DOK6: variants seen among roughly 807,000 people sequenced by gnomAD.
DOK6 encodes the protein docking protein 6, also known as downstream of tyrosine kinase 6.
DOK6 carries 22 observed loss-of-function variants against 44.0 expected under a neutral mutation model. That is an observed-to-expected ratio of 0.50 (90% CI 0.36 to 0.71). The LOEUF (loss-of-function observed/expected upper bound fraction) is 0.71, where lower values mean the gene tolerates loss of function less well. DOK6 is among the 30% of genes least tolerant of loss of function. DOK6 has a pLI of 0.00. For missense variants in DOK6, 340 were observed against 416.4 expected, an observed-to-expected ratio of 0.82 and a Z score of 1.60; for synonymous variants, 166 against 145.5, an observed-to-expected ratio of 1.14 and a Z score of -1.01.
chr18:69,548,232 C>A lies in DOK6; in HGVS notation c.67-16255C>A, dbSNP rs139157628. On this transcript the variant is annotated intron_variant, in intron 1 of 7. Transcript: ENST00000382713. ...CCTCCCAAAGTGCTGGGATTACAGG[C>A]GTGAGCCACCGCGCCTGCCCTCATA... Among the ~76,000 whole-genome samples, 1,033 of 151,382 alleles carry A rather than the reference C, an allele frequency of 6.8e-3. 22 individuals are homozygous for A. Among genetic ancestry groups the A allele is most frequent in the African/African-American group, 0.024 (1,001 of 41,430 alleles).
Position 69,695,460 on chromosome 18 carries a change from A to G in DOK6, c.410-2944A>G, listed in dbSNP as rs918040341. ...ATAGAATTGTTTCACAAAGATAAACATTTTTTAAAAATCATTTTAATGGAG... is the reference window on the plus strand; with the variant it reads ...ATAGAATTGTTTCACAAAGATAAACGTTTTTTAAAAATCATTTTAATGGAG... On this transcript the variant is annotated intron_variant, in intron 4 of 7. Transcript: ENST00000382713. 2.6e-5 allele frequency among the ~76,000 whole-genome samples: 4 copies of G among 152,356 alleles called. No individual in the cohort carries two copies. In the East Asian group the frequency reaches 7.7e-4, roughly 29 times the overall value.
intron 3 of DOK6, among the ~76,000 whole-genome samples, chr18:69,650,422 T>C (rs534033879): frequency 6.6e-6 from 1 of 152,288 alleles, no homozygotes; most frequent in East Asian, 1.9e-4. Context: ...ACATCTTCCC[T>C]ATCACATATG....
intron 1 of DOK6, among the ~76,000 whole-genome samples, chr18:69,521,192 A>G (rs956009945): frequency 6.6e-6 from 1 of 151,886 alleles, no homozygotes; most frequent in African/African-American, 2.4e-5. Context: ...TAGCATCTCT[A>G]TGAATAGATT....
chr18:69,623,365 ATTGT>A (rs1334319590), intron 3 of DOK6, among the ~76,000 whole-genome samples: 2 of 152,134 alleles, frequency 1.3e-5, no homozygotes, highest in Non-Finnish European at 2.9e-5. Context: ...CACTATGTTA[ATTGT>A]TTGTGGATAC....
chr18:69,438,350 A>T (rs1238909341), intron 1 of DOK6, among the ~76,000 whole-genome samples: 1 of 152,222 alleles, frequency 6.6e-6, no homozygotes, highest in Non-Finnish European at 1.5e-5. Flanking sequence ...TTGCTTATGC[A>T]TAAAAAGAAA....
At chr18:69,637,840 A>T (rs1984844532) in intron 3 of DOK6, among the ~76,000 whole-genome samples, 1 of 152,136 alleles carries the variant, frequency 6.6e-6, no homozygotes, top group African/African-American at 2.4e-5. Flanking sequence ...TTTGAGCAAA[A>T]AAATCAAAGG....
At chr18:69,436,769 CCCA>C (rs879843431) in intron 1 of DOK6, among the ~76,000 whole-genome samples, 11 of 152,176 alleles carry the variant, frequency 7.2e-5, no homozygotes, top group African/African-American at 1.2e-4. Flanking sequence ...AATTTACACT[CCCA>C]CCAACAGTGT....
In DOK6 at chr18:69,744,925, TA is replaced by T. The variant is rs58133144; in HGVS notation, c.738+5844del. On this transcript the variant is annotated intron_variant, in intron 6 of 7. Coordinates refer to ENST00000382713, the MANE Select transcript of DOK6 (RefSeq NM_152721.6). ...TGGGTAACAGTAGCAACACTCCATC[TA>T]AAAAAAAAAAAAAAAAAAAAACACC... Among the ~76,000 whole-genome samples the T allele has an allele frequency of 7.0e-3, 632 of 89,806 alleles. 5 individuals carry two copies. Among genetic ancestry groups the T allele is most frequent in the African/African-American group, 0.028 (594 of 21,188 alleles). The allele number at this position is 89,806 out of a possible 152,430, so 58.9% of individuals were successfully genotyped here.
chr18:69,800,259 G>A (rs1488624093), intron 7 of DOK6, among the ~76,000 whole-genome samples: 1 of 151,964 alleles, frequency 6.6e-6, no homozygotes, highest in Non-Finnish European at 1.5e-5. Context: ...CTCATTAAGT[G>A]GGATTTTAAA....
chr18:69,734,806 CTTACT>C (rs1978548669), intron 5 of DOK6, among the ~76,000 whole-genome samples: 1 of 152,116 alleles, frequency 6.6e-6, no homozygotes, highest in African/African-American at 2.4e-5. Flanking sequence ...AGTATCTACA[CTTACT>C]TTAAGTAAAA....
chr18:69,725,155 T>C (rs1426926793), intron 5 of DOK6, among the ~76,000 whole-genome samples: 3 of 152,164 alleles, frequency 2.0e-5, no homozygotes, highest in Non-Finnish European at 4.4e-5. Context: ...GGAGATGTGG[T>C]GATCTGGAGG....
chr18:69,773,218 C>T (rs1322598490), intron 7 of DOK6, among the ~76,000 whole-genome samples: 1 of 151,844 alleles, frequency 6.6e-6, no homozygotes, highest in Non-Finnish European at 1.5e-5. Context: ...TATGGAGAAA[C>T]TGGAACTCTT....
intron 1 of DOK6, chr18:69,469,541 G>C (rs954103222): frequency 6.0e-6 from 1 of 167,038 alleles, no homozygotes; most frequent in Non-Finnish European, 1.3e-5. Flanking sequence ...TAGCTCAGGG[G>C]AGACTGACGT....
Position 69,409,333 on chromosome 18 carries a change from G to A in DOK6, c.66+8023G>A, listed in dbSNP as rs139965112. On this transcript the variant is annotated intron_variant, in intron 1 of 7. Coordinates refer to ENST00000382713, the MANE Select transcript of DOK6 (RefSeq NM_152721.6). ...AATGGACTAATACACATGTAGAAAC[G>A]TGTGTAGTAATTTTTTCCTAACGAT... Among the ~76,000 whole-genome samples the A allele has an allele frequency of 1.8e-3, 281 of 152,260 alleles. No homozygotes were observed. The Middle Eastern group carries it at 0.027, about 15-fold the overall frequency.
chr18:69,606,839 C>T (rs548880293), intron 3 of DOK6, among the ~76,000 whole-genome samples: 1 of 150,066 alleles, frequency 6.7e-6, no homozygotes, highest in South Asian at 2.1e-4. Context: ...TCTCGGCCCA[C>T]TGCAACCTCC....
At chr18:69,420,417 A>G (rs1978457474) in intron 1 of DOK6, among the ~76,000 whole-genome samples, 1 of 152,156 alleles carries the variant, frequency 6.6e-6, no homozygotes, top group African/African-American at 2.4e-5. Flanking sequence ...TTTTTTACAC[A>G]CAGTACACCT....
At chr18:69,784,744 A>T (rs1231782862) in intron 7 of DOK6, among the ~76,000 whole-genome samples, 1 of 152,216 alleles carries the variant, frequency 6.6e-6, no homozygotes, top group Admixed American at 6.5e-5. Flanking sequence ...CAAGATAGAT[A>T]ATTCTTGTTT....
At chr18:69,658,321 T>G (rs1441320644) in intron 3 of DOK6, among the ~76,000 whole-genome samples, 1 of 152,180 alleles carries the variant, frequency 6.6e-6, no homozygotes, top group Non-Finnish European at 1.5e-5. Flanking sequence ...GCACTTTAAA[T>G]TCTTTGGTCT....
intron 1 of DOK6, 131 bp from the exon 2 acceptor site, chr18:69,564,356 A>G (rs1982918332): frequency 1.5e-6 from 1 of 679,850 alleles, no homozygotes; most frequent in African/African-American, 1.9e-5. Flanking sequence ...AATCTTAATT[A>G]AGAACATGTT....
Sources: allele counts gnomAD v4.1 joint callset (sites outside exome capture counted in the v4.1 genomes callset), GRCh38; gene constraint gnomAD v4.1.1; transcripts MANE v1.5; gene names NCBI Gene and HGNC (gene_info 2026-07-23, HGNC 2026-07-21).